BMAL1: variants seen among roughly 807,000 people sequenced by gnomAD.
BMAL1 encodes basic helix-loop-helix ARNT like 1, also known as basic helix-loop-helix ARNT-like protein 1.
At chr11:13,383,117 T>G in the BMAL1 span, among the ~76,000 whole-genome samples, 1 of 152,182 alleles carries the variant, frequency 6.6e-6, no homozygotes, top group East Asian at 1.9e-4. Context: ...CCCAGCCCTT[T>G]CCAGTCACTT....
the BMAL1 span, chr11:13,378,461 T>C: frequency 2.5e-6 from 4 of 1,603,952 alleles, no homozygotes; most frequent in African/African-American, 4.0e-5. Flanking sequence ...TAACACCTTC[T>C]AGTTCCTCTG....
the BMAL1 span, among the ~76,000 whole-genome samples, chr11:13,331,604 G>A: frequency 2.2e-4 from 33 of 152,204 alleles, no homozygotes; most frequent in Admixed American, 2.2e-3. Flanking sequence ...GGTGGCATGA[G>A]TGCTATGTTC....
At chr11:13,344,113 T>C in the BMAL1 span, among the ~76,000 whole-genome samples, 1 of 152,150 alleles carries the variant, frequency 6.6e-6, no homozygotes, top group Admixed American at 6.5e-5. Flanking sequence ...GCATTCTCCC[T>C]ACCAGCCAGG....
At chr11:13,285,783 T>C in the BMAL1 span, among the ~76,000 whole-genome samples, 1 of 152,200 alleles carries the variant, frequency 6.6e-6, no homozygotes, top group Non-Finnish European at 1.5e-5. Context: ...CATTTGTCAT[T>C]GGTTATATAT....
the BMAL1 span, among the ~76,000 whole-genome samples, chr11:13,293,524 C>T: frequency 6.6e-6 from 1 of 152,166 alleles, no homozygotes; most frequent in Non-Finnish European, 1.5e-5. Context: ...CCAGGGCCTG[C>T]CATGGGTGTA....
the BMAL1 span, among the ~76,000 whole-genome samples, chr11:13,299,412 C>T: frequency 6.6e-6 from 1 of 152,058 alleles, no homozygotes; most frequent in Non-Finnish European, 1.5e-5. Flanking sequence ...GTGAAGGGAG[C>T]ACAGCTTCTG....
the BMAL1 span, among the ~76,000 whole-genome samples, chr11:13,343,323 A>C: frequency 6.6e-6 from 1 of 152,154 alleles, no homozygotes; most frequent in East Asian, 1.9e-4. Context: ...TGGTTCGTGG[A>C]TATGTTAGGG....
the BMAL1 span, among the ~76,000 whole-genome samples, chr11:13,297,317 G>A: frequency 6.6e-6 from 1 of 152,242 alleles, no homozygotes; most frequent in Non-Finnish European, 1.5e-5. Context: ...TAGGGATGAA[G>A]GAGTTGCCCA....
At chr11:13,368,342 T>C in the BMAL1 span, among the ~76,000 whole-genome samples, 1 of 152,062 alleles carries the variant, frequency 6.6e-6, no homozygotes, top group African/African-American at 2.4e-5. Flanking sequence ...TGCCAGGTAA[T>C]GAAGGGAGGA....
At chr11:13,339,505 A>G in the BMAL1 span, among the ~76,000 whole-genome samples, 2 of 151,600 alleles carry the variant, frequency 1.3e-5, no homozygotes, top group African/African-American at 4.9e-5. Flanking sequence ...AAGAGGGATC[A>G]TGTCACTCCC....
At chr11:13,369,466 T>A in the BMAL1 span, 1 of 833,648 alleles carries the variant, frequency 1.2e-6, no homozygotes, top group Non-Finnish European at 1.9e-6. Context: ...CCATGCTGCA[T>A]CTGTTAAAGC....
the BMAL1 span, among the ~76,000 whole-genome samples, chr11:13,346,366 G>A: frequency 1.3e-5 from 2 of 152,190 alleles, no homozygotes; most frequent in Admixed American, 6.5e-5. Flanking sequence ...TGCTGGAGCA[G>A]GGACCAGGGA....
the BMAL1 span, among the ~76,000 whole-genome samples, chr11:13,283,090 C>T: frequency 2.0e-5 from 3 of 152,164 alleles, no homozygotes; most frequent in South Asian, 6.2e-4. Flanking sequence ...TGAGTACTGG[C>T]ATGTAATGGA....
the BMAL1 span, among the ~76,000 whole-genome samples, chr11:13,375,387 TAC>T: frequency 1.3e-5 from 2 of 152,228 alleles, no homozygotes; most frequent in South Asian, 4.1e-4. Context: ...GCCTCAATTT[TAC>T]AGACTATGGA....
chr11:13,320,711 G>A, the BMAL1 span, among the ~76,000 whole-genome samples: 3 of 152,202 alleles, frequency 2.0e-5, no homozygotes, highest in African/African-American at 7.2e-5. Context: ...CCAAGTTGGT[G>A]GCTACTGGCT....
At chr11:13,309,335 A>T in the BMAL1 span, among the ~76,000 whole-genome samples, 1 of 152,114 alleles carries the variant, frequency 6.6e-6, no homozygotes, top group African/African-American at 2.4e-5. Flanking sequence ...CAGCCGGGCC[A>T]GTTGGTGCAG....
At chr11:13,385,854 AT>A in the BMAL1 span, 1 of 1,274,030 alleles carries the variant, frequency 7.8e-7, no homozygotes, top group Non-Finnish European at 1.1e-6. Flanking sequence ...CATAAAGTCA[AT>A]TTTAAGAACT....
At chr11:13,387,113 A>G in the BMAL1 span, 1 of 174,316 alleles carries the variant, frequency 5.7e-6, no homozygotes, top group Non-Finnish European at 1.2e-5. Context: ...TTTTTACACT[A>G]CAAAGAAGTC....
the BMAL1 span, chr11:13,276,938 T>C: frequency 0.62 from 94,332 of 152,194 alleles, 30,125 homozygotes; most frequent in Non-Finnish European, 0.7. Flanking sequence ...TGGTGTCTAC[T>C]CTTCAGTAAG....
Sources: gnomAD v4.1 joint callset for allele counts (sites outside exome capture counted in the v4.1 genomes callset) on GRCh38, gnomAD v4.1.1 for gene constraint, MANE v1.5 for transcripts, NCBI Gene and HGNC (gene_info 2026-07-23, HGNC 2026-07-21) for gene names.